Variants in IQCM observed in about 807,000 individuals in gnomAD.
IQCM encodes the protein IQ domain-containing protein M.
IQCM carries 45 observed loss-of-function variants against 57.6 expected under a neutral mutation model. That is an observed-to-expected ratio of 0.78 (90% CI 0.62 to 1.00). IQCM has a LOEUF of 1.00. Ranked by LOEUF, IQCM falls within the 50% of genes least tolerant of loss-of-function variation. The pLI, the probability that IQCM is intolerant of heterozygous loss-of-function variation, is 0.00. For synonymous variants in IQCM, 148 were observed against 158.9 expected (o/e 0.93, Z 0.51); for missense variants, 468 against 511.6 (o/e 0.91, Z 0.82).
At chr4:149,815,265 C>T (rs1245687719) in intron 2 of IQCM, 46 bp downstream of exon 2, 1 of 151,858 alleles carries the variant, frequency 6.6e-6, no homozygotes, top group Admixed American at 6.6e-5. Flanking sequence ...GACCAAGGGG[C>T]CTGAATTGTT....
At chr4:149,408,569 C>T (rs963873477) in intron 13 of IQCM, among the ~76,000 whole-genome samples, 3 of 152,104 alleles carry the variant, frequency 2.0e-5, no homozygotes, top group African/African-American at 7.2e-5. Context: ...GGTACTATAA[C>T]AACAGGAGGT....
At chr4:149,418,297 G>A (rs1733892295) in intron 13 of IQCM, among the ~76,000 whole-genome samples, 1 of 151,944 alleles carries the variant, frequency 6.6e-6, no homozygotes, top group African/African-American at 2.4e-5. Flanking sequence ...AGCCATCAGA[G>A]AATACTATTA....
intron 10 of IQCM, among the ~76,000 whole-genome samples, chr4:149,558,460 G>A (rs987828681): frequency 4.6e-5 from 7 of 152,146 alleles, no homozygotes; most frequent in East Asian, 3.8e-4. Context: ...AAGACTTTGC[G>A]AATAGATTAA....
At chr4:149,541,476 C>T (rs1560969026) in intron 12 of IQCM, among the ~76,000 whole-genome samples, 2 of 151,828 alleles carry the variant, frequency 1.3e-5, no homozygotes, top group Non-Finnish European at 1.5e-5. Flanking sequence ...AGGGGAAAAC[C>T]TTCAAAGTTC....
intron 2 of IQCM, among the ~76,000 whole-genome samples, chr4:149,773,383 C>A (rs1459308703): frequency 6.6e-6 from 1 of 151,828 alleles, no homozygotes; most frequent in Non-Finnish European, 1.5e-5. Flanking sequence ...TAATATCCAC[C>A]AAATAGATCG....
chr4:149,715,612 C>T (rs1340276305), intron 5 of IQCM, among the ~76,000 whole-genome samples: 1 of 152,156 alleles, frequency 6.6e-6, no homozygotes, highest in Admixed American at 6.5e-5. Context: ...GTTTGTGTTA[C>T]AGCTCTTTCA....
At chr4:149,578,110 C>T (rs992283814) in intron 9 of IQCM, among the ~76,000 whole-genome samples, 4 of 151,666 alleles carry the variant, frequency 2.6e-5, no homozygotes, top group Admixed American at 1.3e-4. Flanking sequence ...GATCACGGAA[C>T]CTTTAGGCAG....
chr4:149,727,993 T>C (rs1766110360), intron 5 of IQCM, among the ~76,000 whole-genome samples: 1 of 152,180 alleles, frequency 6.6e-6, no homozygotes, highest in African/African-American at 2.4e-5. Flanking sequence ...ATTTACACCA[T>C]GGAAATCAGT....
At chr4:149,388,259 ACTG>A (rs1196830548) in intron 13 of IQCM, among the ~76,000 whole-genome samples, 1 of 151,656 alleles carries the variant, frequency 6.6e-6, no homozygotes, top group East Asian at 1.9e-4. Context: ...GGAAGTACAA[ACTG>A]TTTTCCAAAT....
chr4:149,598,005 A>G (rs923964880), intron 8 of IQCM, among the ~76,000 whole-genome samples: 2 of 152,180 alleles, frequency 1.3e-5, no homozygotes, highest in Non-Finnish European at 2.9e-5. Flanking sequence ...TTTTACCCCC[A>G]GCAACAATGG....
At chr4:149,735,267 C>G (rs539662604) in intron 4 of IQCM, 109 bp downstream of exon 4, 19 of 479,432 alleles carry the variant, frequency 4.0e-5, no homozygotes, top group Non-Finnish European at 6.0e-5. Flanking sequence ...ATTCTATTCT[C>G]TTTTCTATTT....
chr4:149,569,393 T>C (rs1750942450), intron 9 of IQCM, among the ~76,000 whole-genome samples: 1 of 152,168 alleles, frequency 6.6e-6, no homozygotes, highest in African/African-American at 2.4e-5. Context: ...ATGTCCTTGT[T>C]GTCAATATGT....
intron 7 of IQCM, among the ~76,000 whole-genome samples, chr4:149,628,178 T>G (rs1756972439): frequency 6.6e-6 from 1 of 152,232 alleles, no homozygotes; most frequent in South Asian, 2.1e-4. Flanking sequence ...ATTCTAAAAA[T>G]TCAGTAAAAC....
At chr4:149,653,227 G>A (rs190775198) in intron 7 of IQCM, among the ~76,000 whole-genome samples, 2 of 152,206 alleles carry the variant, frequency 1.3e-5, no homozygotes, top group Non-Finnish European at 2.9e-5. Flanking sequence ...AGATGGAGAA[G>A]ATGGCAGCAG....
chr4:149,511,310 G>A (rs1004484235), intron 12 of IQCM, among the ~76,000 whole-genome samples: 2 of 151,658 alleles, frequency 1.3e-5, no homozygotes, highest in African/African-American at 4.9e-5. Flanking sequence ...CTTGAGGTCA[G>A]AAATTTGAGA....
At chr4:149,671,205 T>A (rs1761246865) in intron 7 of IQCM, among the ~76,000 whole-genome samples, 1 of 152,166 alleles carries the variant, frequency 6.6e-6, no homozygotes, top group Non-Finnish European at 1.5e-5. Flanking sequence ...CCTGGTTTAG[T>A]CTTGGGAGGG....
rs74333642 is a variant in IQCM, at chr4:149,729,868, C to T, written c.385+3376G>A. ...AATGTTAAGTATTAGTAGATATTTGCTCAAAACCAAGACCCTAAGTACCTA... is the reference window on the plus strand; with the variant it reads ...AATGTTAAGTATTAGTAGATATTTGTTCAAAACCAAGACCCTAAGTACCTA... On this transcript the variant is annotated intron_variant, in intron 5 of 13. Transcript: ENST00000636793. Among the ~76,000 whole-genome samples, 1,224 of 152,190 alleles carry T rather than the reference C, an allele frequency of 8.0e-3. 41 individuals carry two copies. The highest frequency in any genetic ancestry group is 0.061 in the Admixed American group (929 of 15,276).
intron 12 of IQCM, among the ~76,000 whole-genome samples, chr4:149,481,716 T>TTTTTTTTG (rs1740897023): frequency 7.2e-6 from 1 of 138,584 alleles, no homozygotes; most frequent in African/African-American, 2.7e-5. Flanking sequence ...TTTTTTTTTT[T>TTTTTTTTG]TTTTTTGCTT....
intron 12 of IQCM, among the ~76,000 whole-genome samples, chr4:149,455,682 T>C (rs571979007): frequency 1.8e-4 from 28 of 152,158 alleles, no homozygotes; most frequent in Middle Eastern, 3.4e-3. Context: ...AACAATAAAA[T>C]AAGCCAGGCA....
Sources: gnomAD v4.1 joint callset for allele counts (sites outside exome capture counted in the v4.1 genomes callset) on GRCh38, gnomAD v4.1.1 for gene constraint, MANE v1.5 for transcripts, NCBI Gene and HGNC (gene_info 2026-07-23, HGNC 2026-07-21) for gene names.